The following ARL2 variants were observed in gnomAD, a reference collection of about 807,000 sequenced individuals.
The protein encoded by ARL2 is ARF like GTPase 2, also known as ADP-ribosylation factor-like protein 2.
ARL2 carries 11 observed loss-of-function variants against 22.0 expected under a neutral mutation model. The ratio of observed to expected loss-of-function variants is 0.50; its 90% CI spans 0.31 to 0.83. The LOEUF (loss-of-function observed/expected upper bound fraction) is 0.83, where lower values mean the gene tolerates loss of function less well. ARL2 is among the 40% of genes least tolerant of loss of function. The probability of loss-of-function intolerance (pLI) is 0.04; values close to 1 mark genes in which losing one functional copy is unlikely to be tolerated. For missense variants in ARL2, 216 were observed against 243.2 expected, an observed-to-expected ratio of 0.89 and a Z score of 0.74; for synonymous variants, 111 against 100.8, an observed-to-expected ratio of 1.10 and a Z score of -0.61.
intron 3 of ARL2, chr11:65,019,208 G>A (rs1946297703): frequency 3.8e-6 from 1 of 266,220 alleles, no homozygotes; most frequent in Admixed American, 4.9e-5. Context: ...CTGCACTCCA[G>A]CCTCCTGGGC....
At chr11:65,021,137 T>A (rs1383900282) in intron 4 of ARL2, among the ~76,000 whole-genome samples, 1 of 152,188 alleles carries the variant, frequency 6.6e-6, no homozygotes, top group Non-Finnish European at 1.5e-5. Context: ...AGGTGAGAAC[T>A]ATTATTTTAC....
chr11:65,021,010 A>G (rs1174540477), intron 4 of ARL2, among the ~76,000 whole-genome samples: 2 of 152,244 alleles, frequency 1.3e-5, no homozygotes, highest in African/African-American at 2.4e-5. Context: ...AGCCTGGGGA[A>G]GGCAGAGCTG....
chr11:65,016,010 C>T (rs1030857140), intron 1 of ARL2, among the ~76,000 whole-genome samples: 9 of 151,996 alleles, frequency 5.9e-5, no homozygotes, highest in African/African-American at 2.2e-4. Flanking sequence ...GTTTTGAGAC[C>T]AGTCTGGCCA....
chr11:65,020,782 T>C (rs967837061), intron 4 of ARL2, among the ~76,000 whole-genome samples: 4 of 149,722 alleles, frequency 2.7e-5, no homozygotes, highest in Non-Finnish European at 1.5e-5. Flanking sequence ...GACAGGAGAA[T>C]CGCTTGAACC....
In ARL2 at chr11:65,014,317, C is replaced by G. The variant is rs200855685; in HGVS notation, c.65+45C>G. 4.8e-3 allele frequency: 7,145 copies of G among 1,491,998 alleles called. 28 individuals carry two copies. Among genetic ancestry groups the G allele is most frequent in the Non-Finnish European group, 6.1e-3 (6,799 of 1,119,674 alleles). 92.4% of individuals were successfully genotyped at this position (1,491,998 alleles called of 1,614,324 possible). ...AACCGCGAGGGTGGCGGGGTCCAGC[C>G]GGGCAGGCGGTGCCGGGCGCCCCCT... is the stretch of plus-strand genomic sequence containing the variant. On this transcript the variant is annotated intron_variant, in intron 1 of 4. Coordinates refer to ENST00000246747, the MANE Select transcript of ARL2 (RefSeq NM_001667.4).
At chr11:65,015,858 C>G (rs1946245870) in intron 1 of ARL2, among the ~76,000 whole-genome samples, 1 of 152,024 alleles carries the variant, frequency 6.6e-6, no homozygotes, top group Non-Finnish European at 1.5e-5. Flanking sequence ...AGGATGAACT[C>G]CCACTACGTA....
At chr11:65,020,589 C>A in intron 4 of ARL2, 90 bp downstream of exon 4, 1 of 1,353,268 alleles carries the variant, frequency 7.4e-7, no homozygotes, top group Non-Finnish European at 1.0e-6. Context: ...ACCAAAAAGG[C>A]TGGGTGCAGT....
chr11:65,014,309 G>T, intron 1 of ARL2, 37 bp downstream of exon 1: 3 of 1,509,020 alleles, frequency 2.0e-6, no homozygotes, highest in Non-Finnish European at 2.7e-6. Context: ...AGGGTGGCGG[G>T]GTCCAGCCGG....
At chr11:65,020,761 C>T (rs1313181333) in intron 4 of ARL2, among the ~76,000 whole-genome samples, 1 of 151,300 alleles carries the variant, frequency 6.6e-6, no homozygotes, top group African/African-American at 2.4e-5. Flanking sequence ...CCCAGCTACT[C>T]AGGAGGCTGA....
Position 65,018,846 on chromosome 11 carries a change from C to T in ARL2, c.339+113C>T, listed in dbSNP as rs1946291939. On this transcript the variant is annotated intron_variant, in intron 3 of 4. Coordinates refer to ENST00000246747, the MANE Select transcript of ARL2 (RefSeq NM_001667.4). This position sits in a 1 kb window ranked among gnomAD's most constrained non-coding sequence, Gnocchi z 4.2. ...AAACCAGAGGCAGGATCCCTTCCTT[C>T]TCTGGGCCCCCACCATGGGAGGCCC... 6.5e-7 allele frequency: 1 copy of T among 1,544,578 alleles called. No homozygotes were observed. Among genetic ancestry groups the T allele is most frequent in the Non-Finnish European group, 8.7e-7 (1 of 1,151,018 alleles).
chr11:65,018,820 G>A lies in ARL2; in HGVS notation c.339+87G>A, dbSNP rs1176215006. On this transcript the variant is annotated intron_variant, in intron 3 of 4. Coordinates refer to ENST00000246747, the MANE Select transcript of ARL2 (RefSeq NM_001667.4). This position sits in a 1 kb window ranked among gnomAD's most constrained non-coding sequence, Gnocchi z 4.2. ...CCAGAGGGGCCCGTGGCCCCAGAGGGAAACCAGAGGCAGGATCCCTTCCTT... is the reference window on the plus strand; with the variant it reads ...CCAGAGGGGCCCGTGGCCCCAGAGGAAAACCAGAGGCAGGATCCCTTCCTT... The A allele has an allele frequency of 1.3e-6, 2 of 1,571,026 alleles. No individual in the cohort carries two copies. The highest frequency in any genetic ancestry group is 2.3e-5 in the South Asian group (2 of 86,822).
At chr11:65,020,783 C>T (rs983292089) in intron 4 of ARL2, among the ~76,000 whole-genome samples, 3 of 150,922 alleles carry the variant, frequency 2.0e-5, no homozygotes, top group South Asian at 4.2e-4. Context: ...ACAGGAGAAT[C>T]GCTTGAACCC....
chr11:65,019,738 A>C lies in ARL2; in HGVS notation c.340-681A>C, dbSNP rs200207675. Reference sequence around the variant, plus strand: ...TCCACTAATATACTTTTTGTGTTCCAATGTTTGATTCAGGCTACAAAATTG... The same window carrying C: ...TCCACTAATATACTTTTTGTGTTCCCATGTTTGATTCAGGCTACAAAATTG... On this transcript the variant is annotated intron_variant, in intron 3 of 4. Coordinates refer to ENST00000246747, the MANE Select transcript of ARL2 (RefSeq NM_001667.4). Among the ~76,000 whole-genome samples, 22 of 152,252 alleles carry C rather than the reference A, an allele frequency of 1.4e-4. No individual in the cohort carries two copies. In the East Asian group the frequency reaches 2.7e-3, roughly 19 times the overall value.
At chr11:65,020,128 T>G (rs915154764) in intron 3 of ARL2, among the ~76,000 whole-genome samples, 1 of 152,182 alleles carries the variant, frequency 6.6e-6, no homozygotes, top group African/African-American at 2.4e-5. Flanking sequence ...AGGGATCATC[T>G]TATGCAACAC....
At chr11:65,017,957 G>A (rs1262625317) in intron 1 of ARL2, among the ~76,000 whole-genome samples, 1 of 152,202 alleles carries the variant, frequency 6.6e-6, no homozygotes, top group African/African-American at 2.4e-5. Flanking sequence ...GGCCTTCCCC[G>A]GCACCTGAGC....
intron 1 of ARL2, among the ~76,000 whole-genome samples, chr11:65,015,098 T>C (rs1946234198): frequency 1.3e-5 from 2 of 148,658 alleles, no homozygotes; most frequent in South Asian, 4.3e-4. Flanking sequence ...AGCCACGGAG[T>C]CCGGCCCATG....
rs1454796622 is a variant in ARL2 at position 65,018,411 on chromosome 11, G to A, written c.113G>A (p.Gly38Glu). 5.0e-6 allele frequency: 8 copies of A among 1,609,798 alleles called. No individual in the cohort carries two copies. The highest frequency in any genetic ancestry group is 6.8e-6 in the Non-Finnish European group (8 of 1,178,532). Residue 38 changes from glycine (G) to glutamate (E), a missense_variant, in exon 2 of 5, where the codon GGG becomes GAG. Coordinates refer to ENST00000246747, the MANE Select transcript of ARL2 (RefSeq NM_001667.4). This position sits in a 1 kb window ranked among gnomAD's most constrained non-coding sequence, Gnocchi z 4.2. ...GKTTILKKFN[G>E]EDIDTISPTL... ...ACAACCATCCTGAAGAAGTTCAATG[G>A]GGAGGACATCGACACCATCTCCCCA...
At position 65,018,601 on chromosome 11, in the gene ARL2, C is replaced by T. The variant is rs543741844; in HGVS notation, c.207C>T (p.Gly69=). The T allele has an allele frequency of 3.1e-6, 5 of 1,612,484 alleles. No individual in the cohort carries two copies. Among genetic ancestry groups the T allele is most frequent in the African/African-American group, 2.7e-5 (2 of 75,032 alleles). ...AGCTGAACATCTGGGATGTGGGTGG[C>T]CAGAAGTCCCTGCGGTCCTACTGGC... ...GFKLNIWDVG[G]QKSLRSYWRN... Residue 69 remains glycine (G), a synonymous_variant, in exon 3 of 5, where the codon GGC becomes GGT. Transcript: ENST00000246747. The surrounding 1 kb of genome is among the most constrained non-coding windows in gnomAD (Gnocchi z 4.2).
chr11:65,018,734 G>A lies in ARL2; in HGVS notation c.339+1G>A. On this transcript the variant is annotated splice_donor_variant, in intron 3 of 4. Coordinates refer to ENST00000246747, the MANE Select transcript of ARL2 (RefSeq NM_001667.4). LOFTEE classifies it high-confidence loss of function. The surrounding 1 kb of genome is among the most constrained non-coding windows in gnomAD (Gnocchi z 4.2). Reference sequence around the variant, plus strand: ...GCTCCAGAGCCTGCTGGTGGAGGAGGTGGGCAGCTCCTACCCTTTGTGTAC... The same window carrying A: ...GCTCCAGAGCCTGCTGGTGGAGGAGATGGGCAGCTCCTACCCTTTGTGTAC... The A allele has an allele frequency of 6.2e-7, 1 of 1,614,008 alleles. No individual in the cohort carries two copies. Among genetic ancestry groups the A allele is most frequent in the Non-Finnish European group, 8.5e-7 (1 of 1,180,016 alleles).
Sources: allele counts gnomAD v4.1 joint callset (sites outside exome capture counted in the v4.1 genomes callset), GRCh38; gene constraint gnomAD v4.1.1; non-coding constraint Gnocchi (gnomAD v3.1); transcripts MANE v1.5; gene names NCBI Gene and HGNC (gene_info 2026-07-23, HGNC 2026-07-21).